The following PCCA variants were observed in gnomAD, a reference collection of about 807,000 sequenced individuals.
PCCA encodes the protein propionyl-CoA carboxylase subunit alpha.
Under a neutral mutation model 101.3 loss-of-function variants are expected in PCCA, and 74 were observed. That is an observed-to-expected ratio of 0.73 (90% CI 0.61 to 0.89). The LOEUF is 0.89. Among genes scored for constraint, PCCA ranks in the 40% least tolerant of loss-of-function variants. The pLI is 0.00. For missense variants in PCCA, 891 were observed against 907.0 expected (o/e 0.98, Z 0.23); for synonymous variants, 294 against 313.6 (o/e 0.94, Z 0.66).
chr13:100,326,949 G>T (rs2068759349), intron 16 of PCCA, among the ~76,000 whole-genome samples: 1 of 152,058 alleles, frequency 6.6e-6, no homozygotes, highest in African/African-American at 2.4e-5. Flanking sequence ...TTCTGTCTGT[G>T]CAGGAGGCAC....
At chr13:100,236,724 A>C (rs1246087762) in intron 8 of PCCA, 1 of 152,040 alleles carries the variant, frequency 6.6e-6, no homozygotes, top group South Asian at 2.1e-4. Flanking sequence ...AGCCTCCCAA[A>C]GTGCTGGGAT....
chr13:100,107,954 C>T (rs746509082), intron 2 of PCCA, among the ~76,000 whole-genome samples: 2 of 152,204 alleles, frequency 1.3e-5, no homozygotes, highest in Non-Finnish European at 2.9e-5. Flanking sequence ...AAACTCATGC[C>T]TGTCCTTTTC....
At chr13:100,370,905 T>C (rs2152815313) in intron 19 of PCCA, among the ~76,000 whole-genome samples, 1 of 152,230 alleles carries the variant, frequency 6.6e-6, no homozygotes, top group Non-Finnish European at 1.5e-5. Context: ...CAGGTCTGGG[T>C]TAATGACTCT....
intron 19 of PCCA, among the ~76,000 whole-genome samples, chr13:100,389,712 T>G (rs923786707): frequency 6.6e-6 from 1 of 151,798 alleles, no homozygotes; most frequent in Non-Finnish European, 1.5e-5. Context: ...AAGAGAGAAG[T>G]TGTGTATGAC....
intron 12 of PCCA, among the ~76,000 whole-genome samples, chr13:100,284,233 G>C (rs1269033068): frequency 6.6e-6 from 1 of 152,182 alleles, no homozygotes; most frequent in Non-Finnish European, 1.5e-5. Flanking sequence ...TGCCTTTCTT[G>C]TTGTGCCTGA....
At chr13:100,282,219 T>C (rs1312610547) in intron 12 of PCCA, among the ~76,000 whole-genome samples, 3 of 152,230 alleles carry the variant, frequency 2.0e-5, no homozygotes, top group Admixed American at 6.5e-5. Context: ...AATATTTTCA[T>C]AGGGCTACAG....
At chr13:100,244,558 G>C (rs957399056) in intron 8 of PCCA, among the ~76,000 whole-genome samples, 7 of 151,932 alleles carry the variant, frequency 4.6e-5, no homozygotes, top group Non-Finnish European at 8.8e-5. Context: ...GGAAAAGGCT[G>C]TGCATAACAT....
intron 12 of PCCA, among the ~76,000 whole-genome samples, chr13:100,291,395 A>G (rs1209119387): frequency 3.3e-5 from 5 of 152,358 alleles, no homozygotes; most frequent in Middle Eastern, 3.4e-3. Flanking sequence ...CCTGGGACCA[A>G]TCCCCTGGGG....
In PCCA at chr13:100,208,986, AC is replaced by A. The variant is rs201389709; in HGVS notation, c.469-345del. Among the ~76,000 whole-genome samples the A allele has an allele frequency of 1.6e-3, 238 of 152,342 alleles. 3 individuals are homozygous for A. Among genetic ancestry groups the A allele is most frequent in the East Asian group, 0.012 (60 of 5,192 alleles). ...CATTATGCTGCAGGCTATTGAGAAC[AC>A]AGAGATTTATAAGGTGTTTACGGGT... On this transcript the variant is annotated intron_variant, in intron 6 of 23. Transcript: ENST00000376285.
At chr13:100,323,263 A>G (rs972484881) in intron 16 of PCCA, among the ~76,000 whole-genome samples, 5 of 152,234 alleles carry the variant, frequency 3.3e-5, no homozygotes, top group Non-Finnish European at 7.3e-5. Flanking sequence ...CTTGTAGGAA[A>G]GTTACACTTT....
At chr13:100,100,748 CT>C (rs2047197101) in intron 1 of PCCA, among the ~76,000 whole-genome samples, 1 of 151,400 alleles carries the variant, frequency 6.6e-6, no homozygotes, top group Non-Finnish European at 1.5e-5. Context: ...GGTAGTTGTT[CT>C]GTTATAGTTG....
At chr13:100,495,914 A>G (rs2085240671) in intron 21 of PCCA, among the ~76,000 whole-genome samples, 1 of 152,248 alleles carries the variant, frequency 6.6e-6, no homozygotes, top group African/African-American at 2.4e-5. Flanking sequence ...TTTCACCCAG[A>G]GTCCGCAAAT....
rs561963976 is a variant in PCCA at position 100,167,777 on chromosome 13, T to C, written c.468+10437T>C. ...ATCTCTTGAAGAGGTTATCCCTTCC[T>C]CTTTGAATTGCCTTGGCACCCTTGC... On this transcript the variant is annotated intron_variant, in intron 6 of 23. Coordinates refer to ENST00000376285, the MANE Select transcript of PCCA (RefSeq NM_000282.4). Among the ~76,000 whole-genome samples, 6 of 152,286 alleles carry C rather than the reference T, an allele frequency of 3.9e-5. No homozygotes were observed. The East Asian group carries it at 1.2e-3, about 29-fold the overall frequency.
chr13:100,424,095 CT>C (rs34459939), intron 19 of PCCA, among the ~76,000 whole-genome samples: 46 of 152,234 alleles, frequency 3.0e-4, no homozygotes, highest in African/African-American at 9.9e-4. Flanking sequence ...TAGGTACTGC[CT>C]TTTTTCCCCC....
intron 16 of PCCA, among the ~76,000 whole-genome samples, chr13:100,317,638 G>A (rs2067509595): frequency 6.6e-6 from 1 of 152,134 alleles, no homozygotes; most frequent in Non-Finnish European, 1.5e-5. Flanking sequence ...TTAGGCTGGA[G>A]TGCAGTGATG....
At chr13:100,498,414 C>T (rs953537665) in intron 21 of PCCA, among the ~76,000 whole-genome samples, 13 of 152,022 alleles carry the variant, frequency 8.6e-5, no homozygotes, top group Admixed American at 3.3e-4. Flanking sequence ...GTTGGAAACA[C>T]GCCCGTATTA....
At chr13:100,442,829 G>A (rs542321051) in intron 20 of PCCA, among the ~76,000 whole-genome samples, 1 of 152,324 alleles carries the variant, frequency 6.6e-6, no homozygotes, top group Admixed American at 6.5e-5. Flanking sequence ...CTACGAAGAG[G>A]AGGGGGCAAA....
chr13:100,503,708 AGC>A (rs1284538296), intron 21 of PCCA, among the ~76,000 whole-genome samples: 1 of 152,168 alleles, frequency 6.6e-6, no homozygotes, highest in African/African-American at 2.4e-5. Context: ...GTTCGAGACC[AGC>A]CTGGGCAACA....
intron 6 of PCCA, among the ~76,000 whole-genome samples, chr13:100,203,000 C>T (rs546426685): frequency 2.8e-4 from 43 of 151,970 alleles, no homozygotes; most frequent in Non-Finnish European, 4.6e-4. Context: ...AGGCCAGGTG[C>T]GGTGGCTCAC....
Sources: allele counts gnomAD v4.1 joint callset (sites outside exome capture counted in the v4.1 genomes callset), GRCh38; gene constraint gnomAD v4.1.1; transcripts MANE v1.5; gene names NCBI Gene and HGNC (gene_info 2026-07-23, HGNC 2026-07-21).